GIPC3: variants seen among roughly 807,000 people sequenced by gnomAD.
GIPC3 encodes GIPC PDZ domain containing family member 3.
GIPC3 carries 16 observed loss-of-function variants against 27.3 expected under a neutral mutation model. The ratio of observed to expected loss-of-function variants is 0.59; its 90% CI spans 0.40 to 0.89. The LOEUF is 0.89. Among genes scored for constraint, GIPC3 ranks in the 40% least tolerant of loss-of-function variants. GIPC3 has a pLI of 0.00. For synonymous variants in GIPC3, 194 were observed against 184.6 expected, an observed-to-expected ratio of 1.05 and a Z score of -0.41; for missense variants, 440 against 442.1, an observed-to-expected ratio of 1.00 and a Z score of 0.04.
rs1254634153 is a variant in GIPC3 at position 3,592,529 on chromosome 19, T to G, written c.*2339T>G. The G allele has an allele frequency of 8.2e-7, 1 of 1,212,884 alleles. No individual in the cohort carries two copies. The highest frequency in any genetic ancestry group is 1.0e-6 in the Non-Finnish European group (1 of 978,892). 75.1% of individuals were successfully genotyped at this position (1,212,884 alleles called of 1,614,324 possible). On this transcript the variant is annotated 3_prime_UTR_variant, in exon 6 of 6. Coordinates refer to ENST00000644452, the MANE Select transcript of GIPC3 (RefSeq NM_133261.3). ...CAAGAATTCAGCTCAGCCCTGGAGC[T>G]CATCTTAGCTCCAGAACCCAGTCCA...
chr19:3,586,459 C>T (rs1390036343), intron 1 of GIPC3, 36 bp from the exon 2 acceptor site: 3 of 1,597,182 alleles, frequency 1.9e-6, no homozygotes, highest in Non-Finnish European at 8.6e-7. Flanking sequence ...GGGATGCATG[C>T]CCTGGCTAAC....
At position 3,592,107 on chromosome 19, in the gene GIPC3, C is replaced by T. The variant is rs1344172372; in HGVS notation, c.*1917C>T. 2 of 1,231,978 alleles carry T rather than the reference C, an allele frequency of 1.6e-6. No homozygotes were observed. The highest frequency in any genetic ancestry group is 2.0e-6 in the Non-Finnish European group (2 of 988,086). The allele number at this position is 1,231,978 out of a possible 1,614,324, so 76.3% of individuals were successfully genotyped here. Reference sequence around the variant, plus strand: ...GCTAAGCTCTGGAGTCCAATCTAGTCCTGGGACCCAGGCCATCGCAGCAAT... The same window carrying T: ...GCTAAGCTCTGGAGTCCAATCTAGTTCTGGGACCCAGGCCATCGCAGCAAT... On this transcript the variant is annotated 3_prime_UTR_variant, in exon 6 of 6. Transcript: ENST00000644452.
In GIPC3 at chr19:3,590,163, C is replaced by G. The variant is rs748777903; in HGVS notation, c.912C>G (p.Ile304Met). The G allele has an allele frequency of 2.5e-6, 4 of 1,607,070 alleles. No individual in the cohort carries two copies. The highest frequency in any genetic ancestry group is 3.4e-6 in the Non-Finnish European group (4 of 1,177,410). Residue 304 changes from isoleucine (I) to methionine (M), a missense_variant, in exon 6 of 6, where the codon ATC (isoleucine) becomes ATG (methionine). Coordinates refer to ENST00000644452, the MANE Select transcript of GIPC3 (RefSeq NM_133261.3). ...TTGTGGTGGAAGTGTGGGCCGCCATCGGCGAGGCCAGAGAGGCCTGTGGCT... is the reference window on the plus strand; with the variant it reads ...TTGTGGTGGAAGTGTGGGCCGCCATGGGCGAGGCCAGAGAGGCCTGTGGCT... The part of the protein sequence containing the change: ...DEFVVEVWAA[I>M]GEAREACG
At chr19:3,586,409 C>T in intron 1 of GIPC3, 86 bp from the exon 2 acceptor site, 3 of 1,253,102 alleles carry the variant, frequency 2.4e-6, no homozygotes, top group Middle Eastern at 2.1e-4. Context: ...ATCCTGGTCG[C>T]TGGGGGCAGG....
In GIPC3 at chr19:3,590,584, C is replaced by T; in HGVS notation, c.*394C>T. The T allele has an allele frequency of 7.6e-7, 1 of 1,321,202 alleles. No individual in the cohort carries two copies. Among genetic ancestry groups the T allele is most frequent in the African/African-American group, 1.5e-5 (1 of 66,900 alleles). The allele number at this position is 1,321,202 out of a possible 1,614,324, so 81.8% of individuals were successfully genotyped here. On this transcript the variant is annotated 3_prime_UTR_variant, in exon 6 of 6. Coordinates refer to ENST00000644452, the MANE Select transcript of GIPC3 (RefSeq NM_133261.3). ...TCTAGAACCCAGATGAGCTCTGAGA[C>T]CATGCCCAGCTCTAGAACTCAGATG...
rs112236623 is a variant in GIPC3, at chr19:3,587,270, T to TTTTG, written c.592+300_592+303dup. 0.022 allele frequency among the ~76,000 whole-genome samples: 3,327 copies of TTTTG among 151,078 alleles called. 115 individuals carry two copies. Among genetic ancestry groups the TTTTG allele is most frequent in the African/African-American group, 0.074 (3,036 of 40,876 alleles). Reference sequence around the variant, plus strand: ...TTTGGAGCCAGGCTGGGAGACTTGTTTTTGTTTGTTTGTTTGTTTGTTTGT... The same window carrying TTTTG: ...TTTGGAGCCAGGCTGGGAGACTTGTTTTTGTTTGTTTGTTTGTTTGTTTGTTTGT... On this transcript the variant is annotated intron_variant, in intron 3 of 5. Transcript: ENST00000644452.
intron 3 of GIPC3, among the ~76,000 whole-genome samples, chr19:3,588,027 G>A (rs537855099): frequency 9.3e-5 from 14 of 151,278 alleles, no homozygotes; most frequent in East Asian, 7.8e-4. Context: ...TTTTTGAGAC[G>A]GAGTTTTGCT....
chr19:3,590,993 C>A lies in GIPC3; in HGVS notation c.*803C>A. The A allele has an allele frequency of 8.2e-7, 1 of 1,214,752 alleles. No individual in the cohort carries two copies. The highest frequency in any genetic ancestry group is 1.0e-6 in the Non-Finnish European group (1 of 980,056). The allele number at this position is 1,214,752 out of a possible 1,614,324, so 75.2% of individuals were successfully genotyped here. On this transcript the variant is annotated 3_prime_UTR_variant, in exon 6 of 6. Coordinates refer to ENST00000644452, the MANE Select transcript of GIPC3 (RefSeq NM_133261.3). ...CCTGTTCTAGAGTCCAGGCCAGCTCCGAGACCAAGCCCAGCTCTAGAACCC... is the reference window on the plus strand; with the variant it reads ...CCTGTTCTAGAGTCCAGGCCAGCTCAGAGACCAAGCCCAGCTCTAGAACCC...
intron 4 of GIPC3, 87 bp from the exon 5 acceptor site, chr19:3,589,744 C>A (rs1266675581): frequency 2.3e-6 from 3 of 1,326,578 alleles, no homozygotes; most frequent in African/African-American, 2.9e-5. Flanking sequence ...CCAGTCTACT[C>A]TTCCCTTAGG....
In GIPC3 at chr19:3,585,691, C is replaced by G. The variant is rs1189679517; in HGVS notation, c.94C>G (p.Arg32Gly). The change falls in exon 1 of 6, where the codon CGC becomes GGC. Residue 32 changes from arginine to glycine, a missense_variant. Transcript: ENST00000644452. ...PAPSEPPAAPRARPRLVFRTQ... is the reference protein window; with the variant it reads ...PAPSEPPAAPGARPRLVFRTQ... ...GCCCTCGGAGCCCCCGGCCGCGCCC[C>G]GCGCCCGCCCGCGCCTCGTCTTCCG... 2.1e-6 allele frequency: 3 copies of G among 1,418,118 alleles called. No homozygotes were observed. The highest frequency in any genetic ancestry group is 1.5e-5 in the African/African-American group (1 of 67,282). The allele number at this position is 1,418,118 out of a possible 1,614,324, so 87.8% of individuals were successfully genotyped here. A position where few individuals can be genotyped will look rare whatever the true frequency, so the allele number is the denominator to read the frequency against.
In GIPC3 at chr19:3,586,570, T is replaced by A; in HGVS notation, c.301T>A (p.Phe101Ile). 1 of 1,613,860 alleles carries A rather than the reference T, an allele frequency of 6.2e-7. No homozygotes were observed. Among genetic ancestry groups the A allele is most frequent in the Non-Finnish European group, 8.5e-7 (1 of 1,179,956 alleles). ...LLGGQIGLED[F>I]IFAHVRGETK... ...GGGGGGTCAGATAGGCCTGGAGGAC[T>A]TCATCTTTGCCCACGTGCGAGGCGA... is the stretch of plus-strand genomic sequence containing the variant. Residue 101 changes from phenylalanine (F) to isoleucine (I), a missense_variant, in exon 2 of 6, where the codon TTC becomes ATC. Phe to Ile is a conservative substitution (Grantham distance 21, BLOSUM62 0). Transcript: ENST00000644452.
rs2032463711 is a variant in GIPC3, at chr19:3,590,297, C to T, written c.*107C>T. 1.4e-6 allele frequency: 2 copies of T among 1,476,992 alleles called. No individual in the cohort carries two copies. Among genetic ancestry groups the T allele is most frequent in the African/African-American group, 1.4e-5 (1 of 71,026 alleles). 91.5% of individuals were successfully genotyped at this position (1,476,992 alleles called of 1,614,324 possible). ...CGGAGGACAAGTTCCTCTCTAGAACCCAATCCAATTTGGAGCCCCAGCCCA... is the reference window on the plus strand; with the variant it reads ...CGGAGGACAAGTTCCTCTCTAGAACTCAATCCAATTTGGAGCCCCAGCCCA... On this transcript the variant is annotated 3_prime_UTR_variant, in exon 6 of 6. Transcript: ENST00000644452.
rs1431123358 is a variant in GIPC3, at chr19:3,592,648, C to G, written c.*2458C>G. On this transcript the variant is annotated 3_prime_UTR_variant, in exon 6 of 6. Coordinates refer to ENST00000644452, the MANE Select transcript of GIPC3 (RefSeq NM_133261.3). ...TTTGGCTCTGAAACCCAGACCGGCT[C>G]AAGAATTCAGCCCGACTCTGGAGCC... The G allele has an allele frequency of 9.7e-6, 12 of 1,231,852 alleles. No homozygotes were observed. Among genetic ancestry groups the G allele is most frequent in the Non-Finnish European group, 1.2e-5 (12 of 987,992 alleles). 76.3% of individuals were successfully genotyped at this position (1,231,852 alleles called of 1,614,324 possible). A position where few individuals can be genotyped will look rare whatever the true frequency, so the allele number is the denominator to read the frequency against.
intron 3 of GIPC3, among the ~76,000 whole-genome samples, chr19:3,587,690 C>CTT (rs2032399867): frequency 7.7e-6 from 1 of 130,608 alleles, no homozygotes; most frequent in African/African-American, 3.2e-5. Flanking sequence ...TTTTTCTTTT[C>CTT]TTTTCTTTTT....
chr19:3,593,310 G>A lies in GIPC3; in HGVS notation c.*3120G>A, dbSNP rs1411071184. Reference sequence around the variant, plus strand: ...GTAGCTTGGCTGTGACTTAGCCCTGGTTCATGTGGTTCTCGTCCTCTCCTG... The same window carrying A: ...GTAGCTTGGCTGTGACTTAGCCCTGATTCATGTGGTTCTCGTCCTCTCCTG... On this transcript the variant is annotated 3_prime_UTR_variant, in exon 6 of 6. Transcript: ENST00000644452. 2 of 1,232,302 alleles carry A rather than the reference G, an allele frequency of 1.6e-6. No individual in the cohort carries two copies. The highest frequency in any genetic ancestry group is 1.5e-5 in the African/African-American group (1 of 64,546). The allele number at this position is 1,232,302 out of a possible 1,614,324, so 76.3% of individuals were successfully genotyped here.
At chr19:3,586,208 G>A (rs553440534) in intron 1 of GIPC3, among the ~76,000 whole-genome samples, 2 of 152,306 alleles carry the variant, frequency 1.3e-5, no homozygotes, top group African/African-American at 2.4e-5. Flanking sequence ...GGGTTGGGGG[G>A]TTCCTGGGCG....
chr19:3,591,064 C>G lies in GIPC3; in HGVS notation c.*874C>G, dbSNP rs375952618. 1.8e-5 allele frequency: 22 copies of G among 1,233,560 alleles called. No individual in the cohort carries two copies. The East Asian group carries it at 2.5e-4, about 14-fold the overall frequency. 76.4% of individuals were successfully genotyped at this position (1,233,560 alleles called of 1,614,324 possible). ...CCCAGCATAGAGACCAAGCCGTGTT[C>G]TAGAATTCAGGCCACATCTGAAGCC... On this transcript the variant is annotated 3_prime_UTR_variant, in exon 6 of 6. Transcript: ENST00000644452.
rs746137482 is a variant in GIPC3, at chr19:3,589,882, A to G, written c.757A>G (p.Ser253Gly). Residue 253 changes from serine to glycine, a missense_variant, in exon 5 of 6, where the codon AGC (serine) becomes GGC (glycine). Transcript: ENST00000644452. ...TCGGAAGGTTGATGACCTGCTGGAA[A>G]GCTACATGGGCATTCGGGACCCCGA... ...ASRKVDDLLE[S>G]YMGIRDPELA... The G allele has an allele frequency of 2.5e-6, 4 of 1,613,756 alleles. No homozygotes were observed. The African/African-American group carries it at 4.0e-5, about 16-fold the overall frequency.
chr19:3,592,482 A>C lies in GIPC3; in HGVS notation c.*2292A>C. The C allele has an allele frequency of 8.1e-7, 1 of 1,232,032 alleles. No individual in the cohort carries two copies. Among genetic ancestry groups the C allele is most frequent in the Non-Finnish European group, 1.0e-6 (1 of 987,986 alleles). 76.3% of individuals were successfully genotyped at this position (1,232,032 alleles called of 1,614,324 possible). ...TCAGACTAGTTCTGGAAACCAGCTC[A>C]GCTCCGGGACCCAGACCACTGCAAG... On this transcript the variant is annotated 3_prime_UTR_variant, in exon 6 of 6. Coordinates refer to ENST00000644452, the MANE Select transcript of GIPC3 (RefSeq NM_133261.3).
Sources: gnomAD v4.1 joint callset for allele counts (sites outside exome capture counted in the v4.1 genomes callset) on GRCh38, gnomAD v4.1.1 for gene constraint, MANE v1.5 for transcripts, NCBI Gene and HGNC (gene_info 2026-07-23, HGNC 2026-07-21) for gene names.